TNIK: variants seen among roughly 807,000 people sequenced by gnomAD.
TNIK encodes TRAF2 and NCK-interacting protein kinase.
In TNIK, 49 loss-of-function variants were observed where a neutral mutation model predicts 191.3. The observed-to-expected ratio is 0.26, with a 90% CI of 0.20 to 0.32. TNIK has a LOEUF of 0.32. Ranked by LOEUF, TNIK falls within the 10% of genes least tolerant of loss-of-function variation. The pLI is 1.00. For missense variants in TNIK, 1,155 were observed against 1,702.3 expected (o/e 0.68, Z 5.66); for synonymous variants, 594 against 600.9 (o/e 0.99, Z 0.17).
chr3:171,339,168 G>C (rs1165868933), intron 2 of TNIK, among the ~76,000 whole-genome samples: 1 of 152,130 alleles, frequency 6.6e-6, no homozygotes, highest in Non-Finnish European at 1.5e-5. Flanking sequence ...CTACAACCAG[G>C]TGTAAAAATT....
intron 5 of TNIK, among the ~76,000 whole-genome samples, chr3:171,191,544 T>C (rs949882582): frequency 2.0e-5 from 3 of 152,256 alleles, no homozygotes; most frequent in Admixed American, 1.3e-4. Flanking sequence ...GGCCTTGTTA[T>C]ACAATTTTAA....
At chr3:171,156,343 T>A (rs145542508) in intron 12 of TNIK, among the ~76,000 whole-genome samples, 4 of 152,296 alleles carry the variant, frequency 2.6e-5, no homozygotes, top group African/African-American at 7.2e-5. Flanking sequence ...GACCTTGATG[T>A]ACCATTTAAA....
In TNIK at chr3:171,159,617, C is replaced by T. The variant is rs924985203; in HGVS notation, c.1016+1653G>A. 3.3e-5 allele frequency among the ~76,000 whole-genome samples: 5 copies of T among 152,110 alleles called. No individual in the cohort carries two copies. The highest frequency in any genetic ancestry group is 2.1e-4 in the South Asian group (1 of 4,826). On this transcript the variant is annotated intron_variant, in intron 11 of 32. Transcript: ENST00000436636. This position sits in a 1 kb window ranked among gnomAD's most constrained non-coding sequence, Gnocchi z 4.1. Reference sequence around the variant, plus strand: ...TTGGGAACCCAGCCTCCCATGCACACGAGGATGCTCCATTAATATTAATTG... The same window carrying T: ...TTGGGAACCCAGCCTCCCATGCACATGAGGATGCTCCATTAATATTAATTG...
intron 7 of TNIK, among the ~76,000 whole-genome samples, chr3:171,183,222 G>C (rs540226909): frequency 2.0e-5 from 3 of 152,144 alleles, no homozygotes; most frequent in Non-Finnish European, 4.4e-5. Flanking sequence ...CTCCAGACTT[G>C]ATCTCCCGTT....
intron 2 of TNIK, among the ~76,000 whole-genome samples, chr3:171,261,714 T>C (rs1747639714): frequency 6.6e-6 from 1 of 152,200 alleles, no homozygotes; most frequent in Non-Finnish European, 1.5e-5. Flanking sequence ...CTATGGGTCA[T>C]TGCTTCAGGT....
intron 2 of TNIK, among the ~76,000 whole-genome samples, chr3:171,310,126 A>G (rs1753861193): frequency 6.6e-6 from 1 of 152,016 alleles, no homozygotes; most frequent in Admixed American, 6.6e-5. Flanking sequence ...TTTTTTAAAA[A>G]ATTGAAATGA....
chr3:171,120,860 T>G (rs1487720731), intron 18 of TNIK, among the ~76,000 whole-genome samples: 1 of 152,102 alleles, frequency 6.6e-6, no homozygotes, highest in Non-Finnish European at 1.5e-5. Flanking sequence ...GCAAGAAATA[T>G]AATTTTGCCC....
chr3:171,125,597 T>C (rs1352318798), intron 17 of TNIK, among the ~76,000 whole-genome samples: 1 of 152,248 alleles, frequency 6.6e-6, no homozygotes, highest in Non-Finnish European at 1.5e-5. Flanking sequence ...CAATGAAATA[T>C]CCATTACTTT....
intron 1 of TNIK, among the ~76,000 whole-genome samples, chr3:171,451,098 T>G (rs776376430): frequency 3.9e-5 from 6 of 152,208 alleles, no homozygotes; most frequent in Non-Finnish European, 8.8e-5. Flanking sequence ...GTTAATATTC[T>G]TGTGTAGTCC....
At chr3:171,250,068 T>C (rs1042878092) in intron 2 of TNIK, among the ~76,000 whole-genome samples, 91 of 152,266 alleles carry the variant, frequency 6.0e-4, no homozygotes, top group African/African-American at 2.1e-3. Flanking sequence ...GATGCCTGCA[T>C]GCTTCTGCCT....
At chr3:171,348,484 A>G (rs935628744) in intron 2 of TNIK, among the ~76,000 whole-genome samples, 1 of 152,198 alleles carries the variant, frequency 6.6e-6, no homozygotes, top group Non-Finnish European at 1.5e-5. Context: ...TATCCATTAG[A>G]TGCAGACAGC....
chr3:171,391,153 T>C (rs1719458863), intron 1 of TNIK, among the ~76,000 whole-genome samples: 1 of 152,234 alleles, frequency 6.6e-6, no homozygotes, highest in African/African-American at 2.4e-5. Flanking sequence ...TTATCTCACA[T>C]AAATCACCTT....
chr3:171,109,491 G>T (rs1460417451), intron 19 of TNIK, among the ~76,000 whole-genome samples: 2 of 152,178 alleles, frequency 1.3e-5, no homozygotes, highest in South Asian at 2.1e-4. Context: ...TAGATATCAA[G>T]CTTTTTAAAA....
intron 2 of TNIK, among the ~76,000 whole-genome samples, chr3:171,239,435 A>T (rs1191926285): frequency 6.6e-6 from 1 of 152,250 alleles, no homozygotes; most frequent in Non-Finnish European, 1.5e-5. Context: ...GCATTATTCT[A>T]TATCACTGAC....
rs6444962 is a variant in TNIK at position 171,123,475 on chromosome 3, T to C, written c.2120+121A>G. 2,537 of 702,744 alleles carry C rather than the reference T, an allele frequency of 3.6e-3. 42 individuals are homozygous for C. The African/African-American group carries it at 0.041, about 11-fold the overall frequency. The allele number at this position is 702,744 out of a possible 1,614,324, so 43.5% of individuals were successfully genotyped here. A position where few individuals can be genotyped will look rare whatever the true frequency, so the allele number is the denominator to read the frequency against. The stretch of plus-strand genomic sequence containing the variant: ...TGTTCTGGACCATCAACGTTTATAG[T>C]GCACATGGAAAGTCAACCTGCCTCT... On this transcript the variant is annotated intron_variant, in intron 18 of 32. Coordinates refer to ENST00000436636, the MANE Select transcript of TNIK (RefSeq NM_015028.4).
At chr3:171,242,249 A>T (rs1173199928) in intron 2 of TNIK, among the ~76,000 whole-genome samples, 1 of 152,128 alleles carries the variant, frequency 6.6e-6, no homozygotes, top group Non-Finnish European at 1.5e-5. Flanking sequence ...AAGACGGAAA[A>T]TTTGCCTAAA....
At chr3:171,270,486 C>T (rs1338267221) in intron 2 of TNIK, among the ~76,000 whole-genome samples, 1 of 152,174 alleles carries the variant, frequency 6.6e-6, no homozygotes, top group Non-Finnish European at 1.5e-5. Context: ...TCCAAAAATA[C>T]CCACATCGTT....
chr3:171,117,764 A>C (rs531514282), intron 18 of TNIK, among the ~76,000 whole-genome samples: 32 of 152,192 alleles, frequency 2.1e-4, no homozygotes, highest in African/African-American at 7.5e-4. Context: ...AGGTCAGGAG[A>C]TCGAGATCAT....
chr3:171,325,058 G>A (rs1325442677), intron 2 of TNIK, among the ~76,000 whole-genome samples: 4 of 151,988 alleles, frequency 2.6e-5, no homozygotes, highest in Admixed American at 6.6e-5. Flanking sequence ...CTGAGATGGC[G>A]CCACTGCACT....
Sources: gnomAD v4.1 joint callset for allele counts (sites outside exome capture counted in the v4.1 genomes callset) on GRCh38, gnomAD v4.1.1 for gene constraint, Gnocchi (gnomAD v3.1) non-coding constraint, MANE v1.5 for transcripts, NCBI Gene and HGNC (gene_info 2026-07-23, HGNC 2026-07-21) for gene names.